The following CCDC73 variants were observed in gnomAD, a reference collection of about 807,000 sequenced individuals.
The protein encoded by CCDC73 is coiled-coil domain-containing protein 73.
A neutral mutation model predicts 116.5 loss-of-function variants in CCDC73; 95 were observed. The observed-to-expected ratio is 0.82, with a 90% CI of 0.69 to 0.97. CCDC73 has a LOEUF of 0.97. Among genes scored for constraint, CCDC73 ranks in the 50% least tolerant of loss-of-function variants. The pLI is 0.00. For missense variants in CCDC73, 1,066 were observed against 1,206.8 expected (o/e 0.88, Z 1.73); for synonymous variants, 398 against 401.3 (o/e 0.99, Z 0.10).
intron 3 of CCDC73, among the ~76,000 whole-genome samples, chr11:32,709,382 T>C (rs1849880442): frequency 6.6e-6 from 1 of 152,120 alleles, no homozygotes; most frequent in Admixed American, 6.6e-5. Flanking sequence ...CACTGCAACC[T>C]CCACCTCCCA....
Position 32,675,902 on chromosome 11 carries a change from T to C in CCDC73, c.549A>G (p.Glu183=), listed in dbSNP as rs963878306. 1 of 1,599,468 alleles carries C rather than the reference T, an allele frequency of 6.3e-7. No homozygotes were observed. The highest frequency in any genetic ancestry group is 8.5e-7 in the Non-Finnish European group (1 of 1,174,920). Residue 183 remains glutamate, a synonymous_variant, in exon 8 of 18, where the codon GAA becomes GAG. Transcript: ENST00000335185. The part of the protein sequence containing the change: ...GQFGLVKENH[E]KLEQNVREAI... ...AGCACATACCATTTTGTTCTAACTTTTCATGATTCTCTTTTACCAATCCAA... is the reference window on the plus strand; with the variant it reads ...AGCACATACCATTTTGTTCTAACTTCTCATGATTCTCTTTTACCAATCCAA...
intron 1 of CCDC73, among the ~76,000 whole-genome samples, chr11:32,786,192 C>T (rs1850624708): frequency 6.6e-6 from 1 of 151,704 alleles, no homozygotes; most frequent in Admixed American, 6.6e-5. Flanking sequence ...TAAACTCCAA[C>T]AGTGATTCCA....
chr11:32,660,322 C>T (rs1161228779), intron 9 of CCDC73, among the ~76,000 whole-genome samples: 1 of 151,608 alleles, frequency 6.6e-6, no homozygotes, highest in Non-Finnish European at 1.5e-5. Flanking sequence ...CATGGTACCC[C>T]TCCAGGGCTG....
chr11:32,676,163 G>A, intron 7 of CCDC73, 142 bp from the exon 8 acceptor site: 1 of 547,936 alleles, frequency 1.8e-6, no homozygotes, highest in African/African-American at 2.0e-5. Context: ...TACTCTCTGA[G>A]TAAACTGTAA....
chr11:32,748,628 G>A (rs902967868), intron 2 of CCDC73, among the ~76,000 whole-genome samples: 1 of 152,070 alleles, frequency 6.6e-6, no homozygotes, highest in African/African-American at 2.4e-5. Flanking sequence ...GTGTTTTTCT[G>A]TGTACCTACT....
intron 2 of CCDC73, among the ~76,000 whole-genome samples, chr11:32,734,713 C>CA (rs1237620039): frequency 6.6e-6 from 1 of 151,484 alleles, no homozygotes; most frequent in Non-Finnish European, 1.5e-5. Flanking sequence ...AGAGACACAA[C>CA]AAAAAAAGAG....
intron 2 of CCDC73, among the ~76,000 whole-genome samples, chr11:32,726,270 T>C (rs2133340290): frequency 6.6e-6 from 1 of 152,292 alleles, no homozygotes; most frequent in East Asian, 1.9e-4. Context: ...ATATTGGATT[T>C]ATTGACATAG....
At chr11:32,699,648 A>G (rs4247298) in intron 5 of CCDC73, among the ~76,000 whole-genome samples, 89,451 of 151,684 alleles carry the variant, frequency 0.59, 26,685 homozygotes, top group East Asian at 0.84. Flanking sequence ...ACCAAACACC[A>G]CATGTTCTTA....
chr11:32,645,361 G>A (rs1404604304), intron 12 of CCDC73, among the ~76,000 whole-genome samples: 3 of 142,372 alleles, frequency 2.1e-5, no homozygotes, highest in Non-Finnish European at 4.5e-5. Context: ...GCGCGATCTC[G>A]GCTCACTGCA....
At chr11:32,619,871 G>C (rs189934) in intron 14 of CCDC73, among the ~76,000 whole-genome samples, 2 of 143,146 alleles carry the variant, frequency 1.4e-5, no homozygotes, top group Non-Finnish European at 3.0e-5. Flanking sequence ...GGAAGGAGAA[G>C]GAGGAGGGGG....
At chr11:32,731,826 G>C (rs933840893) in intron 2 of CCDC73, among the ~76,000 whole-genome samples, 4 of 152,198 alleles carry the variant, frequency 2.6e-5, no homozygotes, top group Admixed American at 6.5e-5. Context: ...GAGCAGAAAA[G>C]TTGAAAATTC....
At chr11:32,767,130 C>A (rs996122875) in intron 1 of CCDC73, among the ~76,000 whole-genome samples, 4 of 152,112 alleles carry the variant, frequency 2.6e-5, no homozygotes, top group Non-Finnish European at 4.4e-5. Flanking sequence ...GAGATATAGA[C>A]CAATGGAACA....
At position 32,614,790 on chromosome 11, in the gene CCDC73, T is replaced by G. The variant is rs372346116; in HGVS notation, c.1528A>C (p.Lys510Gln). 6.2e-7 allele frequency: 1 copy of G among 1,613,492 alleles called. No individual in the cohort carries two copies. Among genetic ancestry groups the G allele is most frequent in the Non-Finnish European group, 8.5e-7 (1 of 1,179,686 alleles). Residue 510 changes from lysine to glutamine, a missense_variant, in exon 16 of 18, where the codon AAA becomes CAA. By Grantham distance (53) the Lys-to-Gln change is moderately conservative. Transcript: ENST00000335185. ...TCTTTTATTTCTGTAGTAACTGATT[T>G]TCTGTTGTCCGTAACATTCGAGGTT... ...GQTSNVTDNR[K>Q]SVTTEIKDKI...
chr11:32,780,041 A>G (rs1239601995), intron 1 of CCDC73, among the ~76,000 whole-genome samples: 1 of 152,220 alleles, frequency 6.6e-6, no homozygotes, highest in Admixed American at 6.5e-5. Flanking sequence ...TGGGAGGCCG[A>G]GGCAGGCAGA....
At chr11:32,750,870 A>C (rs1301089528) in intron 2 of CCDC73, among the ~76,000 whole-genome samples, 4 of 152,054 alleles carry the variant, frequency 2.6e-5, no homozygotes, top group Non-Finnish European at 4.4e-5. Flanking sequence ...TCCTTTTCTC[A>C]AGTGGAAGGG....
At chr11:32,800,782 T>G in the CCDC73 span, among the ~76,000 whole-genome samples, 4 of 152,092 alleles carry the variant, frequency 2.6e-5, no homozygotes, top group African/African-American at 9.7e-5. Context: ...AAGTAATGAG[T>G]CTTAGGGTTC....
intron 12 of CCDC73, among the ~76,000 whole-genome samples, chr11:32,645,820 G>A (rs1438054957): frequency 6.6e-6 from 1 of 152,146 alleles, no homozygotes; most frequent in Non-Finnish European, 1.5e-5. Flanking sequence ...GATACTAGCA[G>A]ATGATAGGAA....
chr11:32,747,162 T>C (rs181538629), intron 2 of CCDC73, among the ~76,000 whole-genome samples: 654 of 152,328 alleles, frequency 4.3e-3, no homozygotes, highest in Non-Finnish European at 7.4e-3. Context: ...TGTTTGTTAG[T>C]TTTCCTTCTA....
intron 12 of CCDC73, among the ~76,000 whole-genome samples, chr11:32,647,793 C>T (rs1855791431): frequency 6.7e-6 from 1 of 148,436 alleles, no homozygotes; most frequent in Non-Finnish European, 1.5e-5. Flanking sequence ...TTGTCAATAT[C>T]ATACTCGTAG....
Sources: allele counts gnomAD v4.1 joint callset (sites outside exome capture counted in the v4.1 genomes callset), GRCh38; gene constraint gnomAD v4.1.1; transcripts MANE v1.5; gene names NCBI Gene and HGNC (gene_info 2026-07-23, HGNC 2026-07-21).